Variants in DDX27 observed in about 807,000 individuals in gnomAD.
The protein encoded by DDX27 is DEAD-box helicase 27.
A neutral mutation model predicts 99.3 loss-of-function variants in DDX27; 42 were observed. The ratio of observed to expected loss-of-function variants is 0.42; its 90% CI spans 0.33 to 0.55. The LOEUF is 0.55. Ranked by LOEUF, DDX27 falls within the 20% of genes least tolerant of loss-of-function variation. The pLI is 0.07. For synonymous variants in DDX27, 329 were observed against 353.8 expected (o/e 0.93, Z 0.79); for missense variants, 798 against 976.8 (o/e 0.82, Z 2.44).
intron 19 of DDX27, among the ~76,000 whole-genome samples, chr20:49,243,367 G>A (rs937905733): frequency 6.6e-6 from 1 of 152,198 alleles, no homozygotes; most frequent in Non-Finnish European, 1.5e-5. Context: ...CCCAGCCCAA[G>A]GTTGGGGCAG....
Position 49,236,621 on chromosome 20 carries a change from G to C in DDX27, c.1687+111G>C. On this transcript the variant is annotated intron_variant, in intron 14 of 20. Transcript: ENST00000618172. The surrounding 1 kb of genome is among the most constrained non-coding windows in gnomAD (Gnocchi z 4.1). ...AGTTCAGAGCCAGATTTGAATTCCA[G>C]CCCTGCTGCTTCCTTGCCGAGTGAC... 4 of 1,104,286 alleles carry C rather than the reference G, an allele frequency of 3.6e-6. No individual in the cohort carries two copies. Among genetic ancestry groups the C allele is most frequent in the Non-Finnish European group, 4.8e-6 (4 of 828,184 alleles). 68.4% of individuals were successfully genotyped at this position (1,104,286 alleles called of 1,614,324 possible). A position where few individuals can be genotyped will look rare whatever the true frequency, so the allele number is the denominator to read the frequency against.
Position 49,243,712 on chromosome 20 carries a change from G to C in DDX27, c.2279+9G>C, listed in dbSNP as rs1415946033. 1 of 1,614,098 alleles carries C rather than the reference G, an allele frequency of 6.2e-7. No homozygotes were observed. The highest frequency in any genetic ancestry group is 8.5e-7 in the Non-Finnish European group (1 of 1,179,978). On this transcript the variant is annotated intron_variant, in intron 20 of 20. Coordinates refer to ENST00000618172, the MANE Select transcript of DDX27 (RefSeq NM_017895.8). Reference sequence around the variant, plus strand: ...TTTAAATCTAAATCCAGGTGATACTGGCTGTTTTGGAGGGGCATAGGTTTT... The same window carrying C: ...TTTAAATCTAAATCCAGGTGATACTCGCTGTTTTGGAGGGGCATAGGTTTT...
chr20:49,221,808 CTTT>C (rs11475081), intron 2 of DDX27, among the ~76,000 whole-genome samples: 4 of 132,162 alleles, frequency 3.0e-5, no homozygotes, highest in Admixed American at 1.6e-4. Flanking sequence ...GACTCACTGT[CTTT>C]TTTTTTTTTT....
chr20:49,224,597 A>G (rs776497328), intron 4 of DDX27, among the ~76,000 whole-genome samples: 4 of 152,116 alleles, frequency 2.6e-5, no homozygotes, highest in Non-Finnish European at 5.9e-5. Context: ...TCCTGACCTC[A>G]GGTGATCCAC....
intron 2 of DDX27, 135 bp downstream of exon 2, chr20:49,221,733 G>A: frequency 1.5e-6 from 1 of 650,174 alleles, no homozygotes; most frequent in Non-Finnish European, 2.3e-6. Flanking sequence ...AAAATAACTG[G>A]TTAAAAAAAA....
chr20:49,242,552 G>C, intron 18 of DDX27, 42 bp from the exon 19 acceptor site: 1 of 1,587,256 alleles, frequency 6.3e-7, no homozygotes, highest in South Asian at 1.1e-5. Flanking sequence ...TAGGAGCTTG[G>C]GCCAAAGACA....
intron 8 of DDX27, 24 bp downstream of exon 8, chr20:49,228,912 C>G: frequency 6.4e-7 from 1 of 1,564,450 alleles, no homozygotes; most frequent in Non-Finnish European, 8.7e-7. Flanking sequence ...CAAGGGCTGC[C>G]AGCCCCTGAG....
Position 49,241,897 on chromosome 20 carries a change from C to G in DDX27, c.1902C>G (p.Ala634=), listed in dbSNP as rs375328368. The change falls in exon 17 of 21, where the codon GCC becomes GCG. Residue 634 remains alanine (A), a synonymous_variant. Coordinates refer to ENST00000618172, the MANE Select transcript of DDX27 (RefSeq NM_017895.8). ...TATGCTTTCTTCTCATCCCAGTTGC[C>G]AAAGCTCTGCAGGAATTTGACTTGG... ...TKEERKKEKI[A]KALQEFDLAL... 5 of 1,614,136 alleles carry G rather than the reference C, an allele frequency of 3.1e-6. No homozygotes were observed. Among genetic ancestry groups the G allele is most frequent in the Non-Finnish European group, 4.2e-6 (5 of 1,180,020 alleles).
chr20:49,242,786 A>G (rs561169037), intron 19 of DDX27, 105 bp downstream of exon 19: 2 of 1,093,050 alleles, frequency 1.8e-6, no homozygotes, highest in African/African-American at 1.6e-5. Context: ...GCAGTGGTGC[A>G]TCTTAGCTCA....
Position 49,223,008 on chromosome 20 carries a change from A to C in DDX27, c.292A>C (p.Lys98Gln), listed in dbSNP as rs1297427424. Residue 98 changes from lysine (K) to glutamine (Q), a missense_variant, in exon 3 of 21, where the codon AAA becomes CAA. By Grantham distance (53) the Lys-to-Gln change is moderately conservative (BLOSUM62 1). Transcript: ENST00000618172. ...EKIEKVRKKR[K>Q]TEDKEAKSGK... is the part of the protein sequence containing the mutation. ...GATTGAGAAAGTTCGAAAGAAAAGG[A>C]AAACAGAGGTGAGAAGAAAAGTGGC... is the stretch of plus-strand genomic sequence containing the variant. 8 of 1,613,128 alleles carry C rather than the reference A, an allele frequency of 5.0e-6. No individual in the cohort carries two copies. The highest frequency in any genetic ancestry group is 6.8e-6 in the Non-Finnish European group (8 of 1,179,518).
chr20:49,236,261 T>C lies in DDX27; in HGVS notation c.1509+30T>C, dbSNP rs1980303772. On this transcript the variant is annotated intron_variant, in intron 13 of 20. Transcript: ENST00000618172. This position sits in a 1 kb window ranked among gnomAD's most constrained non-coding sequence, Gnocchi z 4.1. ...GCAGACACTATCTTCCTTGGACTTT[T>C]GGTGGAAGTCTTTTTGCCTCTTCGC... The C allele has an allele frequency of 6.3e-7, 1 of 1,581,036 alleles. No homozygotes were observed. Among genetic ancestry groups the C allele is most frequent in the Non-Finnish European group, 8.6e-7 (1 of 1,162,212 alleles).
chr20:49,240,851 C>T (rs1407377476), intron 16 of DDX27, among the ~76,000 whole-genome samples: 1 of 151,978 alleles, frequency 6.6e-6, no homozygotes, highest in African/African-American at 2.4e-5. Context: ...CCCATCTCTA[C>T]TAAAAATCAA....
intron 12 of DDX27, 177 bp downstream of exon 12, chr20:49,235,265 C>CCTG: frequency 1.6e-6 from 1 of 613,244 alleles, no homozygotes; most frequent in East Asian, 3.3e-5. Context: ...GTGTTTAGAA[C>CCTG]TCTAACTTCA....
chr20:49,225,314 C>T, intron 6 of DDX27, 115 bp downstream of exon 6: 2 of 911,676 alleles, frequency 2.2e-6, no homozygotes, highest in Non-Finnish European at 3.5e-6. Context: ...TCCCAGAGTG[C>T]TGGGATTTGA....
intron 1 of DDX27, among the ~76,000 whole-genome samples, chr20:49,220,591 C>A (rs539558171): frequency 6.8e-4 from 103 of 152,028 alleles, no homozygotes; most frequent in Admixed American, 1.6e-3. Flanking sequence ...ACACTGTCGC[C>A]ATTTCCCCGA....
chr20:49,223,227 C>T lies in DDX27; in HGVS notation c.301-41C>T, dbSNP rs1013960399. 3 of 1,585,304 alleles carry T rather than the reference C, an allele frequency of 1.9e-6. No homozygotes were observed. The African/African-American group carries it at 4.1e-5, about 22-fold the overall frequency. ...ATCGCTCTACTTAGGTTCTGGATTT[C>T]TAGAAGTTTCTCATCACCCTCACTT... is the stretch of plus-strand genomic sequence containing the variant. On this transcript the variant is annotated intron_variant, in intron 3 of 20. Coordinates refer to ENST00000618172, the MANE Select transcript of DDX27 (RefSeq NM_017895.8).
intron 12 of DDX27, 189 bp from the exon 13 acceptor site, chr20:49,235,961 T>G: frequency 4.7e-6 from 2 of 424,926 alleles, no homozygotes; most frequent in Non-Finnish European, 8.5e-6. Flanking sequence ...GCGAGGATGG[T>G]CTCGATCTCC....
chr20:49,242,808 A>T, intron 19 of DDX27, 127 bp downstream of exon 19: 1 of 850,318 alleles, frequency 1.2e-6, no homozygotes. Flanking sequence ...TGCAAGCTCC[A>T]CCTCCTGGGT....
intron 7 of DDX27, among the ~76,000 whole-genome samples, chr20:49,226,857 C>CATTTTTTT (rs1555880448): frequency 1.6e-5 from 1 of 63,460 alleles, no homozygotes; most frequent in Admixed American, 2.4e-4. Context: ...GAGTAAAGGA[C>CATTTTTTT]TTTTTTTTTT....
Sources: gnomAD v4.1 joint callset for allele counts (sites outside exome capture counted in the v4.1 genomes callset) on GRCh38, gnomAD v4.1.1 for gene constraint, Gnocchi (gnomAD v3.1) non-coding constraint, MANE v1.5 for transcripts, NCBI Gene and HGNC (gene_info 2026-07-23, HGNC 2026-07-21) for gene names.